AHNAK: variants seen among roughly 807,000 people sequenced by gnomAD.
The protein encoded by AHNAK is neuroblast differentiation-associated protein AHNAK.
A neutral mutation model predicts 37.8 loss-of-function variants in AHNAK; 23 were observed. The ratio of observed to expected loss-of-function variants is 0.61; its 90% CI spans 0.44 to 0.86. The LOEUF is 0.86. Ranked by LOEUF, AHNAK falls within the 40% of genes least tolerant of loss-of-function variation. AHNAK has a pLI of 0.00. For missense variants in AHNAK, 7,411 were observed against 7,319.4 expected (o/e 1.01, Z -0.46); for synonymous variants, 2,481 against 2,636.3 (o/e 0.94, Z 1.80).
Position 62,532,471 on chromosome 11 carries a change from T to A in AHNAK, c.1946A>T (p.His649Leu), listed in dbSNP as rs201303995. ...PGAKGEGPDV[H>L]MTLPKGDISI... is the part of the protein sequence containing the mutation. ...GATATCTCCTTTGGGTAGAGTCATA[T>A]GAACATCTGGACCTTCCCCTTTGGC... Residue 649 changes from histidine to leucine, a missense_variant, in exon 5 of 5, where the codon CAT (histidine) becomes CTT (leucine). By Grantham distance (99) the His-to-Leu change is moderately conservative. Transcript: ENST00000378024. 255 of 1,614,038 alleles carry A rather than the reference T, an allele frequency of 1.6e-4. No homozygotes were observed. The highest frequency in any genetic ancestry group is 1.9e-4 in the Non-Finnish European group (230 of 1,180,024).
At chr11:62,461,147 T>C (rs1470229999) in intron 5 of AHNAK, among the ~76,000 whole-genome samples, 4 of 131,978 alleles carry the variant, frequency 3.0e-5, no homozygotes, top group African/African-American at 1.1e-4. Context: ...ATTCCCCTTT[T>C]TTTTTTTTTT....
intron 4 of AHNAK, among the ~76,000 whole-genome samples, chr11:62,499,023 G>A (rs184414796): frequency 1.4e-4 from 22 of 152,228 alleles, no homozygotes; most frequent in Admixed American, 1.2e-3. Flanking sequence ...ATATTCCAGC[G>A]GACTTTATGG....
At chr11:62,475,057 C>T (rs1000970939) in intron 5 of AHNAK, among the ~76,000 whole-genome samples, 1 of 152,204 alleles carries the variant, frequency 6.6e-6, no homozygotes, top group Non-Finnish European at 1.5e-5. Flanking sequence ...AATCCCAACA[C>T]TTTGGGAGGC....
At chr11:62,478,863 A>G (rs2134865626) in intron 5 of AHNAK, among the ~76,000 whole-genome samples, 1 of 151,110 alleles carries the variant, frequency 6.6e-6, no homozygotes, top group South Asian at 2.1e-4. Flanking sequence ...ACACTGTTTC[A>G]CTAATTTTTT....
At chr11:62,433,707 G>A in exon 6 of AHNAK, 1 of 766,460 alleles carries the variant, frequency 1.3e-6, no homozygotes, top group South Asian at 1.7e-5. Flanking sequence ...GGTCTGGCCT[G>A]GCTGGAGCTA....
Position 62,517,920 on chromosome 11 carries a change from G to T in AHNAK, c.16497C>A (p.Ser5499=). 1 of 1,614,166 alleles carries T rather than the reference G, an allele frequency of 6.2e-7. No individual in the cohort carries two copies. The highest frequency in any genetic ancestry group is 8.5e-7 in the Non-Finnish European group (1 of 1,180,034). The change falls in exon 5 of 5, where the codon TCC becomes TCA. Residue 5499 remains serine (S), a synonymous_variant. Coordinates refer to ENST00000378024, the MANE Select transcript of AHNAK (RefSeq NM_001620.3). ...CTGGCAGGTTCACATCACATCCAGA[G>T]GACTTAATTCCAGGCATCTGGAGGT... ...EGNLQMPGIK[S]SGCDVNLPGV...
rs1317108135 is a variant in AHNAK, at chr11:62,528,939, C to T, written c.5478G>A (p.Val1826=). Residue 1826 remains valine, a synonymous_variant, in exon 5 of 5, where the codon GTG becomes GTA. Transcript: ENST00000378024. ...CAGGACACTCCAGATCAACATCGGG[C>T]ACCTCCGCTTCCACAAAAGGACCTT... ...DVKGPFVEAE[V]PDVDLECPDA... 52 of 1,614,158 alleles carry T rather than the reference C, an allele frequency of 3.2e-5. No homozygotes were observed. Among genetic ancestry groups the T allele is most frequent in the Non-Finnish European group, 4.3e-5 (51 of 1,180,024 alleles).
chr11:62,498,598 T>TAA (rs753394652), intron 4 of AHNAK, among the ~76,000 whole-genome samples: 7 of 120,876 alleles, frequency 5.8e-5, no homozygotes, highest in Non-Finnish European at 7.1e-5. Context: ...AGACTCACTC[T>TAA]AAAAAAAAAA....
Position 62,519,122 on chromosome 11 carries a change from A to G in AHNAK, c.15295T>C (p.Ser5099Pro), listed in dbSNP as rs760919670. 5 of 1,613,820 alleles carry G rather than the reference A, an allele frequency of 3.1e-6. No individual in the cohort carries two copies. In the South Asian group the frequency reaches 5.5e-5, roughly 18 times the overall value. ...YFPDVEFDIKSPKFKAEAPLP... is the reference protein window; with the variant it reads ...YFPDVEFDIKPPKFKAEAPLP... Reference sequence around the variant, plus strand: ...GGGGCCTCAGCTTTAAATTTAGGTGATTTAATGTCAAACTCTACATCTGGG... The same window carrying G: ...GGGGCCTCAGCTTTAAATTTAGGTGGTTTAATGTCAAACTCTACATCTGGG... The change falls in exon 5 of 5, where the codon TCA (serine) becomes CCA (proline). Residue 5099 changes from serine (S) to proline (P), a missense_variant. By Grantham distance (74) the Ser-to-Pro change is moderately conservative. Coordinates refer to ENST00000378024, the MANE Select transcript of AHNAK (RefSeq NM_001620.3).
At chr11:62,453,619 C>T (rs1327196478) in intron 5 of AHNAK, among the ~76,000 whole-genome samples, 1 of 152,140 alleles carries the variant, frequency 6.6e-6, no homozygotes, top group Non-Finnish European at 1.5e-5. Flanking sequence ...GCTGCAAGAG[C>T]ATTCAAGGCT....
intron 5 of AHNAK, among the ~76,000 whole-genome samples, chr11:62,481,897 C>T (rs1939284193): frequency 6.6e-6 from 1 of 151,884 alleles, no homozygotes; most frequent in Admixed American, 6.6e-5. Flanking sequence ...AGTTCTTCAA[C>T]CCTCTGCCTT....
At chr11:62,450,653 C>G (rs1938517252) in intron 5 of AHNAK, among the ~76,000 whole-genome samples, 1 of 152,160 alleles carries the variant, frequency 6.6e-6, no homozygotes, top group African/African-American at 2.4e-5. Flanking sequence ...ACCGTCAGAC[C>G]TCCAAGCCTC....
In AHNAK at chr11:62,546,753, G is replaced by C. The variant is rs1941324924; in HGVS notation, c.-193C>G. The C allele has an allele frequency of 6.5e-6, 1 of 152,870 alleles. No individual in the cohort carries two copies. Among genetic ancestry groups the C allele is most frequent in the African/African-American group, 2.4e-5 (1 of 41,476 alleles). 9.5% of individuals were successfully genotyped at this position (152,870 alleles called of 1,614,324 possible). Reference sequence around the variant, plus strand: ...GGCGGCGACGAGCCCCGTTCCGGGCGGGTCTGGCAGGGCGGGCGGTGCAGT... The same window carrying C: ...GGCGGCGACGAGCCCCGTTCCGGGCCGGTCTGGCAGGGCGGGCGGTGCAGT... On this transcript the variant is annotated 5_prime_UTR_variant, in exon 1 of 5. Transcript: ENST00000378024.
At chr11:62,506,046 G>A (rs967009729) in intron 4 of AHNAK, among the ~76,000 whole-genome samples, 2 of 148,810 alleles carry the variant, frequency 1.3e-5, no homozygotes, top group East Asian at 2.0e-4. Flanking sequence ...AGGCGGGGGT[G>A]GGGGGATGGT....
rs1049451119 is a variant in AHNAK, at chr11:62,491,930, C to T, written c.343-99G>A. 4 of 1,070,210 alleles carry T rather than the reference C, an allele frequency of 3.7e-6. No homozygotes were observed. In the South Asian group the frequency reaches 4.5e-5, roughly 12 times the overall value. 66.3% of individuals were successfully genotyped at this position (1,070,210 alleles called of 1,614,324 possible). ...TATGGGTGTATAAAATACCAGAGAC[C>T]CCACGTTTACCACTACCACCCCCCA... On this transcript the variant is annotated intron_variant, in intron 4 of 5. Coordinates refer to the AHNAK transcript ENST00000257247.
chr11:62,524,903 C>T lies in AHNAK; in HGVS notation c.9514G>A (p.Val3172Met), dbSNP rs542113662. 35 of 1,614,008 alleles carry T rather than the reference C, an allele frequency of 2.2e-5. No individual in the cohort carries two copies. Among genetic ancestry groups the T allele is most frequent in the African/African-American group, 1.1e-4 (8 of 74,976 alleles). ...GFKGEGPEVD[V>M]NLPKADLDVS... ...TCAAGGTCAGCCTTGGGCAGGTTCA[C>T]GTCCACTTCTGGACCTTCTCCTTTG... is the stretch of plus-strand genomic sequence containing the variant. The change falls in exon 5 of 5, where the codon GTG (valine) becomes ATG (methionine). Residue 3172 changes from valine to methionine, a missense_variant. Physicochemically the swap from Val to Met is conservative, Grantham distance 21 (BLOSUM62 1). Transcript: ENST00000378024.
At chr11:62,466,275 A>G (rs1019457386) in intron 5 of AHNAK, among the ~76,000 whole-genome samples, 1 of 151,956 alleles carries the variant, frequency 6.6e-6, no homozygotes, top group African/African-American at 2.4e-5. Flanking sequence ...AGCCGAGATC[A>G]CGCCACCGCA....
In AHNAK at chr11:62,520,463, T is replaced by C. The variant is rs752565979; in HGVS notation, c.13954A>G (p.Met4652Val). ...AACTTGGGCATTTTCACTTTGGGCA[T>C]TTTTAGGTGCCAGTCTGGGCCTTGA... ...DVQGPDWHLK[M>V]PKVKMPKFSM... Residue 4652 changes from methionine to valine, a missense_variant, in exon 5 of 5, where the codon ATG becomes GTG. By Grantham distance (21) the Met-to-Val change is conservative. Coordinates refer to ENST00000378024, the MANE Select transcript of AHNAK (RefSeq NM_001620.3). 19 of 1,614,002 alleles carry C rather than the reference T, an allele frequency of 1.2e-5. No homozygotes were observed. In the Admixed American group the frequency reaches 3.2e-4, roughly 27 times the overall value.
At chr11:62,470,585 G>A (rs1189318347) in intron 5 of AHNAK, among the ~76,000 whole-genome samples, 1 of 152,116 alleles carries the variant, frequency 6.6e-6, no homozygotes, top group Non-Finnish European at 1.5e-5. Context: ...CAGCCTGGGC[G>A]ACAGTGAGAG....
Sources: allele counts gnomAD v4.1 joint callset (sites outside exome capture counted in the v4.1 genomes callset), GRCh38; gene constraint gnomAD v4.1.1; transcripts MANE v1.5; gene names NCBI Gene and HGNC (gene_info 2026-07-23, HGNC 2026-07-21).